The following CALN1 variants were observed in gnomAD, a reference collection of about 807,000 sequenced individuals.
CALN1 encodes calcium-binding protein 8.
In CALN1, 17 loss-of-function variants were observed where a neutral mutation model predicts 30.6. That is an observed-to-expected ratio of 0.56 (90% CI 0.38 to 0.83). The LOEUF is 0.83. Ranked by LOEUF, CALN1 falls within the 40% of genes least tolerant of loss-of-function variation. CALN1 has a pLI of 0.00. For synonymous variants in CALN1, 156 were observed against 131.4 expected (o/e 1.19, Z -1.28); for missense variants, 291 against 354.9 (o/e 0.82, Z 1.45).
intron 3 of CALN1, among the ~76,000 whole-genome samples, chr7:72,203,023 C>T (rs143349293): frequency 0.01 from 1,546 of 152,230 alleles, 24 homozygotes; most frequent in African/African-American, 0.035. Context: ...AGAATGAGTT[C>T]GTGTCTTTTG....
chr7:72,038,476 A>G (rs1344033421), intron 4 of CALN1, among the ~76,000 whole-genome samples: 1 of 151,940 alleles, frequency 6.6e-6, no homozygotes, highest in Non-Finnish European at 1.5e-5. Context: ...CCTGACCTCA[A>G]GCCACCCTCC....
At chr7:71,951,447 T>A (rs1163079489) in intron 5 of CALN1, among the ~76,000 whole-genome samples, 1 of 151,996 alleles carries the variant, frequency 6.6e-6, no homozygotes, top group African/African-American at 2.4e-5. Flanking sequence ...AAAAATTAGC[T>A]GGGCATGATG....
intron 3 of CALN1, among the ~76,000 whole-genome samples, chr7:72,228,124 C>T (rs1383331566): frequency 6.6e-6 from 1 of 152,022 alleles, no homozygotes; most frequent in Non-Finnish European, 1.5e-5. Flanking sequence ...TGGGAACTTC[C>T]ATCCACACAC....
chr7:71,994,810 G>A (rs1219397704), intron 5 of CALN1, among the ~76,000 whole-genome samples: 1 of 151,474 alleles, frequency 6.6e-6, no homozygotes. Context: ...GACCAGGTGT[G>A]CCATCTGCAT....
At chr7:72,136,160 T>TAAATAAATAAATAAATAAATAAATAAAA (rs1809498125) in intron 3 of CALN1, among the ~76,000 whole-genome samples, 1 of 151,548 alleles carries the variant, frequency 6.6e-6, no homozygotes, top group South Asian at 2.1e-4. Context: ...AATAAATAAA[T>TAAATAAATAAATAAATAAATAAATAAAA]AAATAAATAA....
intron 3 of CALN1, among the ~76,000 whole-genome samples, chr7:72,185,205 C>T (rs567405924): frequency 3.3e-5 from 5 of 152,070 alleles, no homozygotes; most frequent in South Asian, 2.1e-4. Context: ...AGAGTCCAAG[C>T]GTAGAAAATG....
intron 2 of CALN1, among the ~76,000 whole-genome samples, chr7:72,385,419 C>T (rs754305110): frequency 2.6e-5 from 4 of 151,898 alleles, no homozygotes; most frequent in African/African-American, 7.3e-5. Context: ...AATAAGTGAA[C>T]GGATAACAAA....
At chr7:72,321,438 C>T (rs1800872591) in intron 2 of CALN1, among the ~76,000 whole-genome samples, 1 of 152,198 alleles carries the variant, frequency 6.6e-6, no homozygotes, top group Non-Finnish European at 1.5e-5. Flanking sequence ...TTCACCACAA[C>T]ACCAAGAAAT....
chr7:72,484,964 C>A, the CALN1 span, among the ~76,000 whole-genome samples: 1 of 152,092 alleles, frequency 6.6e-6, no homozygotes, highest in African/African-American at 2.4e-5. Flanking sequence ...TTTACCTTGA[C>A]TAAAAGTGAA....
rs188338688 is a variant in CALN1 at position 72,292,953 on chromosome 7, C to A, written c.120-14143G>T. Among the ~76,000 whole-genome samples, 191 of 152,146 alleles carry A rather than the reference C, an allele frequency of 1.3e-3. 1 individual carries two copies. The highest frequency in any genetic ancestry group is 4.1e-3 in the African/African-American group (169 of 41,526). On this transcript the variant is annotated intron_variant, in intron 2 of 6. Transcript: ENST00000395275. Reference sequence around the variant, plus strand: ...GCCAGTCCAAGACCACATCTTTTGTCTCTGCATGAACATTAAAACCCCATC... The same window carrying A: ...GCCAGTCCAAGACCACATCTTTTGTATCTGCATGAACATTAAAACCCCATC...
chr7:72,278,663 C>T, intron 3 of CALN1, 23 bp downstream of exon 3: 1 of 1,599,010 alleles, frequency 6.3e-7, no homozygotes, highest in Non-Finnish European at 8.6e-7. Context: ...GGGCCATCCC[C>T]CCAAACAGGG....
intron 4 of CALN1, among the ~76,000 whole-genome samples, chr7:72,038,123 C>T (rs969371447): frequency 6.6e-6 from 1 of 152,106 alleles, no homozygotes; most frequent in African/African-American, 2.4e-5. Flanking sequence ...GGTCAGAACA[C>T]ACGTCCCTGA....
intron 5 of CALN1, among the ~76,000 whole-genome samples, chr7:71,934,224 T>A (rs940102437): frequency 2.0e-5 from 3 of 152,198 alleles, no homozygotes; most frequent in Non-Finnish European, 4.4e-5. Context: ...TAATATTCAA[T>A]GAGAATTGTT....
intron 5 of CALN1, among the ~76,000 whole-genome samples, chr7:71,880,528 C>T (rs1036469771): frequency 6.6e-6 from 1 of 152,010 alleles, no homozygotes; most frequent in African/African-American, 2.4e-5. Context: ...TTTAGGGGAT[C>T]CTATCTGGTT....
chr7:72,219,389 C>T (rs1793095167), intron 3 of CALN1, among the ~76,000 whole-genome samples: 1 of 152,068 alleles, frequency 6.6e-6, no homozygotes, highest in African/African-American at 2.4e-5. Context: ...CCACAACTGG[C>T]TAATTTTTCT....
At chr7:72,455,941 C>T in the CALN1 span, among the ~76,000 whole-genome samples, 5 of 152,302 alleles carry the variant, frequency 3.3e-5, no homozygotes, top group African/African-American at 1.2e-4. Context: ...AATCCCAGCA[C>T]TTTGGGAGGC....
intron 5 of CALN1, among the ~76,000 whole-genome samples, chr7:71,866,729 C>T (rs540378642): frequency 7.9e-5 from 12 of 152,214 alleles, no homozygotes; most frequent in African/African-American, 2.6e-4. Context: ...TGCTTTTCAA[C>T]TTCAAAATAA....
intron 1 of CALN1, among the ~76,000 whole-genome samples, chr7:72,422,342 C>A (rs140518587): frequency 6.0e-4 from 92 of 152,208 alleles, no homozygotes; most frequent in African/African-American, 2.0e-3. Context: ...AGTAAGAAAA[C>A]CATATTGTGG....
intron 4 of CALN1, among the ~76,000 whole-genome samples, chr7:72,044,601 T>C (rs1433722545): frequency 5.9e-5 from 1 of 16,994 alleles, no homozygotes; most frequent in Non-Finnish European, 1.0e-4. Flanking sequence ...GCTTAAAACT[T>C]TTTTTTTTTT....
Sources: gnomAD v4.1 joint callset for allele counts (sites outside exome capture counted in the v4.1 genomes callset) on GRCh38, gnomAD v4.1.1 for gene constraint, MANE v1.5 for transcripts, NCBI Gene and HGNC (gene_info 2026-07-23, HGNC 2026-07-21) for gene names.